AGBL4: variants seen among roughly 807,000 people sequenced by gnomAD.
AGBL4 encodes the protein cytosolic carboxypeptidase 6.
AGBL4 carries 58 observed loss-of-function variants against 66.4 expected under a neutral mutation model. The ratio of observed to expected loss-of-function variants is 0.87; its 90% confidence interval spans 0.71 to 1.09. AGBL4 has a LOEUF of 1.09. Ranked by LOEUF, AGBL4 falls within the 50% of genes least tolerant of loss-of-function variation. The pLI, the probability that AGBL4 is intolerant of heterozygous loss-of-function variation, is 0.00. For missense variants in AGBL4, 579 were observed against 631.0 expected (o/e 0.92, Z 0.88); for synonymous variants, 234 against 222.9 (o/e 1.05, Z -0.44).
intron 3 of AGBL4, among the ~76,000 whole-genome samples, chr1:49,369,469 A>G (rs1186625645): frequency 6.6e-6 from 1 of 152,192 alleles, no homozygotes; most frequent in African/African-American, 2.4e-5. Flanking sequence ...GCAGCAAAGA[A>G]CAGTGACCCC....
chr1:49,984,111 C>T (rs763992643), intron 1 of AGBL4, among the ~76,000 whole-genome samples: 4 of 152,206 alleles, frequency 2.6e-5, no homozygotes, highest in Non-Finnish European at 5.9e-5. Flanking sequence ...CTATACTTAA[C>T]GAATAAACTA....
chr1:49,614,989 C>T (rs1287997431), intron 3 of AGBL4, among the ~76,000 whole-genome samples: 1 of 152,134 alleles, frequency 6.6e-6, no homozygotes, highest in Non-Finnish European at 1.5e-5. Context: ...CATTTAATCA[C>T]ACTCCCTTGT....
intron 2 of AGBL4, among the ~76,000 whole-genome samples, chr1:49,738,049 G>T (rs551385328): frequency 6.6e-6 from 1 of 152,336 alleles, no homozygotes; most frequent in East Asian, 1.9e-4. Context: ...GGGACTGTTG[G>T]TCAGTGTGTG....
chr1:49,949,237 A>T (rs531162920), intron 1 of AGBL4, among the ~76,000 whole-genome samples: 132 of 152,074 alleles, frequency 8.7e-4, no homozygotes, highest in African/African-American at 3.1e-3. Flanking sequence ...CAAGGACCTA[A>T]ATCTAAGACT....
chr1:49,065,657 T>C (rs1455131522), intron 4 of AGBL4, among the ~76,000 whole-genome samples: 1 of 152,236 alleles, frequency 6.6e-6, no homozygotes, highest in African/African-American at 2.4e-5. Flanking sequence ...TGTTCCTGCA[T>C]TGCTTCTGCA....
chr1:49,191,956 A>C (rs1647128519), intron 4 of AGBL4, among the ~76,000 whole-genome samples: 1 of 152,172 alleles, frequency 6.6e-6, no homozygotes, highest in African/African-American at 2.4e-5. Flanking sequence ...AGAACAATTT[A>C]CTTTCCTTTC....
At chr1:49,514,561 A>C (rs1378178210) in intron 3 of AGBL4, among the ~76,000 whole-genome samples, 1 of 151,874 alleles carries the variant, frequency 6.6e-6, no homozygotes. Context: ...GGAACCAAAA[A>C]AGAGCCTGCA....
Position 49,350,774 on chromosome 1 carries a change from A to G in AGBL4, c.283-104910T>C, listed in dbSNP as rs1225619543. ...CATCCCCCTCCTAACCTTCCCCCCAACTCCCCAGAGTCCATTATATCATTC... is the reference window on the plus strand; with the variant it reads ...CATCCCCCTCCTAACCTTCCCCCCAGCTCCCCAGAGTCCATTATATCATTC... On this transcript the variant is annotated intron_variant, in intron 3 of 13. Transcript: ENST00000371839. Among the ~76,000 whole-genome samples, 13 of 147,082 alleles carry G rather than the reference A, an allele frequency of 8.8e-5. No homozygotes were observed. In the East Asian group the frequency reaches 2.5e-3, roughly 28 times the overall value.
intron 3 of AGBL4, among the ~76,000 whole-genome samples, chr1:49,648,334 G>T (rs1232099806): frequency 1.4e-5 from 2 of 141,162 alleles, no homozygotes; most frequent in Admixed American, 7.0e-5. Flanking sequence ...AAAATGACAG[G>T]AAAAAAAAAA....
chr1:49,166,498 G>A (rs1290633047), intron 4 of AGBL4, among the ~76,000 whole-genome samples: 6 of 152,010 alleles, frequency 3.9e-5, no homozygotes, highest in Non-Finnish European at 5.9e-5. Flanking sequence ...GAGTCTCCCG[G>A]AACTCTAGTA....
At chr1:48,802,595 A>T (rs1645834917) in intron 6 of AGBL4, among the ~76,000 whole-genome samples, 1 of 152,180 alleles carries the variant, frequency 6.6e-6, no homozygotes, top group Non-Finnish European at 1.5e-5. Context: ...ATGTACTAGG[A>T]AGTATGCTGG....
chr1:49,592,695 C>T (rs1244423029), intron 3 of AGBL4, among the ~76,000 whole-genome samples: 7 of 152,202 alleles, frequency 4.6e-5, no homozygotes, highest in Non-Finnish European at 1.0e-4. Flanking sequence ...GAGATATCAT[C>T]TCACACAAGT....
intron 6 of AGBL4, among the ~76,000 whole-genome samples, chr1:48,769,971 C>T (rs988338431): frequency 6.6e-6 from 1 of 152,202 alleles, no homozygotes; most frequent in Non-Finnish European, 1.5e-5. Context: ...TAGAAGTCAT[C>T]TAACCAAACT....
At chr1:48,732,522 G>A (rs1209938646) in intron 6 of AGBL4, among the ~76,000 whole-genome samples, 1 of 150,888 alleles carries the variant, frequency 6.6e-6, no homozygotes, top group Non-Finnish European at 1.5e-5. Flanking sequence ...TTGGAGTAGG[G>A]TGATGTGACA....
At chr1:49,312,951 T>C (rs1644966909) in intron 3 of AGBL4, among the ~76,000 whole-genome samples, 1 of 152,098 alleles carries the variant, frequency 6.6e-6, no homozygotes. Context: ...GGTATACACA[T>C]GCCAAGGTGG....
At chr1:49,444,773 C>G (rs1448564055) in intron 3 of AGBL4, among the ~76,000 whole-genome samples, 1 of 151,982 alleles carries the variant, frequency 6.6e-6, no homozygotes, top group Admixed American at 6.6e-5. Context: ...TGTTTACATG[C>G]AAGGCTATTA....
intron 5 of AGBL4, among the ~76,000 whole-genome samples, chr1:48,982,782 C>T (rs976078728): frequency 1.6e-4 from 24 of 152,178 alleles, no homozygotes; most frequent in African/African-American, 5.6e-4. Flanking sequence ...GCCACACTGA[C>T]TTCCCCAATG....
intron 11 of AGBL4, among the ~76,000 whole-genome samples, chr1:48,555,227 G>A (rs1380187656): frequency 1.3e-5 from 2 of 151,556 alleles, no homozygotes; most frequent in Non-Finnish European, 2.9e-5. Context: ...TATTAAACAA[G>A]TTAGTCAACA....
intron 1 of AGBL4, chr1:50,017,501 AATT>A (rs1557663269): frequency 6.6e-6 from 1 of 152,166 alleles, no homozygotes; most frequent in Non-Finnish European, 1.5e-5. Context: ...CCTACTCCTC[AATT>A]ATTATATACA....
Sources: gnomAD v4.1 joint callset for allele counts (sites outside exome capture counted in the v4.1 genomes callset) on GRCh38, gnomAD v4.1.1 for gene constraint, MANE v1.5 for transcripts, NCBI Gene and HGNC (gene_info 2026-07-23, HGNC 2026-07-21) for gene names.